Variants in PIGK observed in about 807,000 individuals in gnomAD.
PIGK encodes GPI-anchor transamidase.
Under a neutral mutation model 50.6 loss-of-function variants are expected in PIGK, and 42 were observed. That is an observed-to-expected ratio of 0.83 (90% CI 0.65 to 1.07). The LOEUF is 1.07. PIGK is among the 50% of genes least tolerant of loss of function. PIGK has a pLI of 0.00. For synonymous variants in PIGK, 151 were observed against 156.0 expected (o/e 0.97, Z 0.24); for missense variants, 448 against 488.7 (o/e 0.92, Z 0.78).
At chr1:77,095,169 T>C (rs564616763) in intron 10 of PIGK, among the ~76,000 whole-genome samples, 1 of 152,266 alleles carries the variant, frequency 6.6e-6, no homozygotes, top group East Asian at 1.9e-4. Flanking sequence ...GGTATCTGAA[T>C]AGAATCCCCT....
intron 10 of PIGK, among the ~76,000 whole-genome samples, chr1:77,105,160 A>G (rs1653637818): frequency 6.6e-6 from 1 of 151,988 alleles, no homozygotes; most frequent in Non-Finnish European, 1.5e-5. Context: ...AGGGGACAGA[A>G]ATGGCATGTC....
chr1:77,137,895 C>T (rs566984206), intron 9 of PIGK, among the ~76,000 whole-genome samples: 5 of 152,278 alleles, frequency 3.3e-5, no homozygotes, highest in African/African-American at 7.2e-5. Flanking sequence ...TGAGCCACCA[C>T]GCCTGGCCCC....
At chr1:77,146,085 A>G (rs1024799440) in intron 9 of PIGK, among the ~76,000 whole-genome samples, 2 of 152,146 alleles carry the variant, frequency 1.3e-5, no homozygotes, top group Non-Finnish European at 2.9e-5. Flanking sequence ...AGTAAGTTGG[A>G]GACCATCTGT....
chr1:77,210,521 G>A (rs1416397454), intron 1 of PIGK, 32 bp from the exon 2 acceptor site: 2 of 1,436,568 alleles, frequency 1.4e-6, no homozygotes, highest in Non-Finnish European at 9.6e-7. Flanking sequence ...GAAGAAAAAG[G>A]CACAATTTCT....
intron 9 of PIGK, among the ~76,000 whole-genome samples, chr1:77,134,116 A>T (rs60353910): frequency 0.011 from 1,722 of 152,168 alleles, 35 homozygotes; most frequent in African/African-American, 0.039. Flanking sequence ...ATTTTAAAAA[A>T]TAGGCAACAA....
At chr1:77,106,928 G>A (rs1653695299) in intron 10 of PIGK, among the ~76,000 whole-genome samples, 2 of 152,046 alleles carry the variant, frequency 1.3e-5, no homozygotes, top group South Asian at 4.1e-4. Flanking sequence ...TGGGATCAGT[G>A]GTGATATCCC....
At chr1:77,219,261 G>T in intron 1 of PIGK, 49 bp downstream of exon 1, 1 of 1,452,752 alleles carries the variant, frequency 6.9e-7, no homozygotes. Context: ...ATCTGCTGGA[G>T]GGCTCACAGC....
At chr1:77,189,344 G>T (rs1358939386) in intron 3 of PIGK, among the ~76,000 whole-genome samples, 4 of 152,140 alleles carry the variant, frequency 2.6e-5, no homozygotes, top group Admixed American at 6.5e-5. Context: ...GTGTCAACTT[G>T]ATTGCATTGA....
intron 1 of PIGK, among the ~76,000 whole-genome samples, chr1:77,215,504 A>G (rs951640246): frequency 6.6e-6 from 1 of 152,206 alleles, no homozygotes; most frequent in Admixed American, 6.5e-5. Context: ...TATAGTGAAC[A>G]GTATGGAAGC....
chr1:77,203,958 T>G (rs564567659), intron 3 of PIGK, among the ~76,000 whole-genome samples: 14 of 152,262 alleles, frequency 9.2e-5, no homozygotes, highest in Non-Finnish European at 1.8e-4. Flanking sequence ...CTGCACAAAT[T>G]GTTTGTAGAG....
At chr1:77,104,891 T>A (rs1326710413) in intron 10 of PIGK, among the ~76,000 whole-genome samples, 1 of 152,146 alleles carries the variant, frequency 6.6e-6, no homozygotes, top group African/African-American at 2.4e-5. Context: ...TTCTCTTAGT[T>A]CTGCTGTCTG....
At chr1:77,204,445 T>C (rs1656243064) in intron 3 of PIGK, among the ~76,000 whole-genome samples, 1 of 152,204 alleles carries the variant, frequency 6.6e-6, no homozygotes, top group African/African-American at 2.4e-5. Flanking sequence ...CCTGGTCCTG[T>C]GATCTCACTC....
At chr1:77,132,746 CAA>C (rs1654407244) in intron 9 of PIGK, among the ~76,000 whole-genome samples, 1 of 151,924 alleles carries the variant, frequency 6.6e-6, no homozygotes, top group South Asian at 2.1e-4. Flanking sequence ...GCATTGGCAA[CAA>C]ATTCTCTGTC....
intron 10 of PIGK, among the ~76,000 whole-genome samples, chr1:77,118,299 G>A (rs138198629): frequency 1.9e-4 from 29 of 151,450 alleles, no homozygotes; most frequent in African/African-American, 7.0e-4. Flanking sequence ...GTACAGTGGC[G>A]TGATCGCAGC....
chr1:77,215,687 G>A (rs919833013), intron 1 of PIGK, among the ~76,000 whole-genome samples: 2 of 152,170 alleles, frequency 1.3e-5, no homozygotes, highest in Non-Finnish European at 2.9e-5. Context: ...ATCAGTAGAT[G>A]AATGGATAAA....
chr1:77,162,481 G>A (rs1181415159), intron 6 of PIGK, among the ~76,000 whole-genome samples: 1 of 152,134 alleles, frequency 6.6e-6, no homozygotes, highest in Non-Finnish European at 1.5e-5. Context: ...CAAAAAGGTA[G>A]AATAGGTTCA....
chr1:77,166,764 G>C lies in PIGK; in HGVS notation c.442C>G (p.Arg148Gly), dbSNP rs1363018131. ...TTGCTTCTGTCATCAGAAAGAAGAC[G>C]TTTTGACCGAGGAGTACTAGGTGGG... is the stretch of plus-strand genomic sequence containing the variant. Reference protein sequence around the residue: ...RIPPSTPRSKRLLSDDRSNIL... With the variant: ...RIPPSTPRSKGLLSDDRSNIL... Residue 148 changes from arginine to glycine, a missense_variant, in exon 5 of 11, where the codon CGT becomes GGT. Transcript: ENST00000370812. 6.3e-7 allele frequency: 1 copy of C among 1,599,328 alleles called. No homozygotes were observed.
intron 8 of PIGK, among the ~76,000 whole-genome samples, chr1:77,155,494 GAATAAACATAACA>G: frequency 6.6e-6 from 1 of 151,986 alleles, no homozygotes; most frequent in East Asian, 1.9e-4. Context: ...AGTTACAGAT[GAATAAACATAACA>G]AGGTAGAAAA....
At chr1:77,178,987 G>A (rs971153806) in intron 3 of PIGK, among the ~76,000 whole-genome samples, 2 of 152,334 alleles carry the variant, frequency 1.3e-5, no homozygotes, top group Non-Finnish European at 1.5e-5. Flanking sequence ...AAAGTTATGG[G>A]TGGCCACTGT....
Sources: gnomAD v4.1 joint callset for allele counts (sites outside exome capture counted in the v4.1 genomes callset) on GRCh38, gnomAD v4.1.1 for gene constraint, MANE v1.5 for transcripts, NCBI Gene and HGNC (gene_info 2026-07-23, HGNC 2026-07-21) for gene names.